STIM1: variants seen among roughly 807,000 people sequenced by gnomAD.
STIM1 encodes stromal interaction molecule 1.
A neutral mutation model predicts 74.7 loss-of-function variants in STIM1; 25 were observed. The observed-to-expected ratio is 0.33, with a 90% CI of 0.24 to 0.47. STIM1 has a LOEUF of 0.47. STIM1 is among the 20% of genes least tolerant of loss of function. The pLI, the probability that STIM1 is intolerant of heterozygous loss-of-function variation, is 1.00. For synonymous variants in STIM1, 328 were observed against 348.8 expected (o/e 0.94, Z 0.66); for missense variants, 728 against 920.8 (o/e 0.79, Z 2.71).
At chr11:4,061,379 G>C (rs551635918) in intron 5 of STIM1, among the ~76,000 whole-genome samples, 1 of 152,276 alleles carries the variant, frequency 6.6e-6, no homozygotes, top group South Asian at 2.1e-4. Context: ...AGGAAGGCCA[G>C]AGATCAGCAG....
intron 6 of STIM1, among the ~76,000 whole-genome samples, chr11:4,071,241 CTG>C (rs750595490): frequency 6.6e-6 from 1 of 151,698 alleles, no homozygotes; most frequent in Non-Finnish European, 1.5e-5. Context: ...CTATTCAAGA[CTG>C]TCTTTTAGAA....
intron 1 of STIM1, among the ~76,000 whole-genome samples, chr11:3,895,608 C>CTT (rs1425601524): frequency 1.9e-5 from 1 of 53,120 alleles, no homozygotes; most frequent in Admixed American, 1.9e-4. Flanking sequence ...TTCTTTCTCT[C>CTT]TCTTTCTTTC....
chr11:3,892,569 T>C, intron 1 of STIM1: 1 of 1,601,306 alleles, frequency 6.2e-7, no homozygotes, highest in Non-Finnish European at 8.6e-7. Context: ...GAACTGTTTG[T>C]GTTGGGTCCA....
intron 1 of STIM1, among the ~76,000 whole-genome samples, chr11:3,868,680 T>C (rs900233540): frequency 1.1e-4 from 17 of 152,230 alleles, no homozygotes; most frequent in Non-Finnish European, 2.1e-4. Flanking sequence ...GGCTGTATTT[T>C]ACTTATGAAT....
intron 11 of STIM1, 64 bp downstream of exon 11, chr11:4,084,829 C>G: frequency 4.1e-6 from 5 of 1,219,192 alleles, no homozygotes; most frequent in Non-Finnish European, 5.4e-6. Flanking sequence ...AACACTCTTA[C>G]CCCATGGGTC....
rs111450225 is a variant in STIM1 at position 4,049,797 on chromosome 11, C to T, written c.386-5729C>T. On this transcript the variant is annotated intron_variant, in intron 3 of 12. Transcript: ENST00000526596. ...AACGTGAATGATGGAGCCAGACTGCCTGAGACCAAATCTTGGCTTTCCCAG... is the reference window on the plus strand; with the variant it reads ...AACGTGAATGATGGAGCCAGACTGCTTGAGACCAAATCTTGGCTTTCCCAG... Among the ~76,000 whole-genome samples, 277 of 151,340 alleles carry T rather than the reference C, an allele frequency of 1.8e-3. 3 individuals are homozygous for T. Among genetic ancestry groups the T allele is most frequent in the African/African-American group, 6.3e-3 (260 of 41,218 alleles).
chr11:3,884,214 T>G (rs2091622775), intron 1 of STIM1, among the ~76,000 whole-genome samples: 1 of 152,180 alleles, frequency 6.6e-6, no homozygotes, highest in Admixed American at 6.6e-5. Flanking sequence ...GCAAAATTAC[T>G]TAACATTTCA....
At position 3,920,313 on chromosome 11, in the gene STIM1, A is replaced by G. The variant is rs865931898; in HGVS notation, c.140-47239A>G. On this transcript the variant is annotated intron_variant, in intron 1 of 12. Transcript: ENST00000526596. ...GTAACCGTTACCACTATCTAATTTC[A>G]GAACATTTTCATCACCCTAAAAAGA... is the stretch of plus-strand genomic sequence containing the variant. Among the ~76,000 whole-genome samples the G allele has an allele frequency of 3.9e-5, 6 of 152,176 alleles. No homozygotes were observed. In the South Asian group the frequency reaches 1.0e-3, roughly 26 times the overall value.
At chr11:3,909,551 G>A (rs1439009187) in intron 1 of STIM1, among the ~76,000 whole-genome samples, 3 of 152,128 alleles carry the variant, frequency 2.0e-5, no homozygotes, top group Non-Finnish European at 2.9e-5. Flanking sequence ...GGGGCTGGGC[G>A]CAGTGGCTCA....
At chr11:3,871,916 A>C (rs2091110786) in intron 1 of STIM1, among the ~76,000 whole-genome samples, 1 of 152,186 alleles carries the variant, frequency 6.6e-6, no homozygotes, top group African/African-American at 2.4e-5. Flanking sequence ...CACAAATTTG[A>C]GTAATTTATC....
At chr11:4,024,829 G>A (rs914970103) in intron 3 of STIM1, among the ~76,000 whole-genome samples, 9 of 152,034 alleles carry the variant, frequency 5.9e-5, no homozygotes, top group Non-Finnish European at 1.0e-4. Flanking sequence ...AGTTCTTAGT[G>A]AAAGAGCATG....
chr11:3,997,746 G>C (rs1383644658), intron 2 of STIM1, among the ~76,000 whole-genome samples: 1 of 152,218 alleles, frequency 6.6e-6, no homozygotes, highest in African/African-American at 2.4e-5. Flanking sequence ...CATTGGGAAT[G>C]AGAGGAAGTG....
At chr11:4,037,483 G>A (rs1297066434) in intron 3 of STIM1, among the ~76,000 whole-genome samples, 1 of 152,044 alleles carries the variant, frequency 6.6e-6, no homozygotes, top group Non-Finnish European at 1.5e-5. Flanking sequence ...TAAAGATTTA[G>A]GATGATTATT....
At chr11:4,055,985 AACTG>A (rs2094286748) in intron 4 of STIM1, among the ~76,000 whole-genome samples, 1 of 152,212 alleles carries the variant, frequency 6.6e-6, no homozygotes, top group African/African-American at 2.4e-5. Flanking sequence ...TAGATGATGA[AACTG>A]GTTAAGTAAC....
At chr11:4,006,874 G>A (rs1013641283) in intron 2 of STIM1, among the ~76,000 whole-genome samples, 1 of 152,136 alleles carries the variant, frequency 6.6e-6, no homozygotes, top group Admixed American at 6.6e-5. Context: ...AGGTTGGAAA[G>A]GGGAGGGAAG....
At chr11:3,917,435 GT>G (rs558911615) in intron 1 of STIM1, among the ~76,000 whole-genome samples, 1,557 of 133,250 alleles carry the variant, frequency 0.012, 25 homozygotes, top group African/African-American at 0.035. Flanking sequence ...CAGGGTTTCT[GT>G]TTTTTTTTTT....
chr11:3,902,123 A>T (rs2092365196), intron 1 of STIM1, among the ~76,000 whole-genome samples: 3 of 152,146 alleles, frequency 2.0e-5, no homozygotes, highest in Admixed American at 6.6e-5. Context: ...AGTGATGGAA[A>T]ACCAGACACT....
chr11:3,918,731 G>T (rs529733530), intron 1 of STIM1, among the ~76,000 whole-genome samples: 1 of 152,212 alleles, frequency 6.6e-6, no homozygotes, highest in South Asian at 2.1e-4. Flanking sequence ...AGGGGTCAGG[G>T]TCAGCTTCCC....
intron 1 of STIM1, among the ~76,000 whole-genome samples, chr11:3,955,222 G>T (rs1590598041): frequency 6.6e-6 from 1 of 152,200 alleles, no homozygotes; most frequent in Non-Finnish European, 1.5e-5. Context: ...TGGGGAGGGA[G>T]AATGAGGGTT....
Sources: gnomAD v4.1 joint callset for allele counts (sites outside exome capture counted in the v4.1 genomes callset) on GRCh38, gnomAD v4.1.1 for gene constraint, MANE v1.5 for transcripts, NCBI Gene and HGNC (gene_info 2026-07-23, HGNC 2026-07-21) for gene names.